GLRB: variants seen among roughly 807,000 people sequenced by gnomAD.
The protein encoded by GLRB is glycine receptor subunit beta.
In GLRB, 33 loss-of-function variants were observed where a neutral mutation model predicts 54.2. That is an observed-to-expected ratio of 0.61 (90% CI 0.46 to 0.81). GLRB has a LOEUF of 0.81. Among genes scored for constraint, GLRB ranks in the 40% least tolerant of loss-of-function variants. GLRB has a pLI of 0.00. For missense variants in GLRB, 572 were observed against 584.6 expected (o/e 0.98, Z 0.22); for synonymous variants, 209 against 208.2 (o/e 1.00, Z -0.03).
intron 2 of GLRB, among the ~76,000 whole-genome samples, chr4:157,103,170 A>AG (rs1735100950): frequency 6.6e-6 from 1 of 151,982 alleles, no homozygotes; most frequent in South Asian, 2.1e-4. Context: ...AAAAAAAAAA[A>AG]AAAGAAAGTG....
intron 4 of GLRB, among the ~76,000 whole-genome samples, chr4:157,126,380 TG>T (rs1036555203): frequency 2.0e-5 from 3 of 151,878 alleles, no homozygotes; most frequent in African/African-American, 7.2e-5. Context: ...TGCTTCAGCC[TG>T]TTTTATGGCC....
rs542224600 is a variant in GLRB, at chr4:157,084,417, A to G, written c.122+6271A>G. On this transcript the variant is annotated intron_variant, in intron 2 of 9. Coordinates refer to ENST00000264428, the MANE Select transcript of GLRB (RefSeq NM_000824.5). ...TGGGAAGCTTAATAACAAGTCCTTA[A>G]GTGTTGAGGGCTGCTATTATTTACA... 2.5e-4 allele frequency among the ~76,000 whole-genome samples: 38 copies of G among 152,270 alleles called. No individual in the cohort carries two copies. In the South Asian group the frequency reaches 7.7e-3, roughly 31 times the overall value.
chr4:157,101,665 C>G (rs1484219463), intron 2 of GLRB, among the ~76,000 whole-genome samples: 1 of 151,978 alleles, frequency 6.6e-6, no homozygotes, highest in Non-Finnish European at 1.5e-5. Flanking sequence ...TCAACTGCAT[C>G]TTCTGTAGTA....
intron 9 of GLRB, among the ~76,000 whole-genome samples, chr4:157,165,124 T>A (rs1199573162): frequency 1.3e-5 from 2 of 152,056 alleles, no homozygotes; most frequent in African/African-American, 4.8e-5. Flanking sequence ...CTTTCCAGAA[T>A]AAACTTTGTA....
At chr4:157,082,967 TATATA>T (rs1734277794) in intron 2 of GLRB, among the ~76,000 whole-genome samples, 4 of 87,030 alleles carry the variant, frequency 4.6e-5, no homozygotes, top group African/African-American at 1.8e-4. Flanking sequence ...TAGTGTTTTA[TATATA>T]TATATATATA....
intron 7 of GLRB, among the ~76,000 whole-genome samples, chr4:157,139,804 C>T (rs1736544028): frequency 6.6e-6 from 1 of 151,772 alleles, no homozygotes; most frequent in Non-Finnish European, 1.5e-5. Context: ...ATAATTAAAG[C>T]TTTATTGCAA....
intron 2 of GLRB, among the ~76,000 whole-genome samples, chr4:157,097,780 G>A (rs142537494): frequency 1.8e-4 from 27 of 152,278 alleles, no homozygotes; most frequent in African/African-American, 5.3e-4. Flanking sequence ...CAGCACTTTG[G>A]GAGGCTGAGG....
intron 9 of GLRB, among the ~76,000 whole-genome samples, chr4:157,163,981 G>T (rs1170140424): frequency 2.6e-5 from 4 of 151,990 alleles, no homozygotes; most frequent in Admixed American, 1.3e-4. Context: ...CATCATACCT[G>T]CACCCTGCCT....
chr4:157,085,203 T>C (rs1012814639), intron 2 of GLRB, among the ~76,000 whole-genome samples: 1 of 152,148 alleles, frequency 6.6e-6, no homozygotes, highest in African/African-American at 2.4e-5. Context: ...ATATCTGCCA[T>C]GTTCAATTTT....
intron 2 of GLRB, among the ~76,000 whole-genome samples, chr4:157,092,756 C>A (rs140753767): frequency 6.6e-6 from 1 of 152,094 alleles, no homozygotes; most frequent in Non-Finnish European, 1.5e-5. Flanking sequence ...ATATAAAGAA[C>A]GTAGGATGTG....
Position 157,122,130 on chromosome 4 carries a change from TG to T in GLRB, c.230-199del, listed in dbSNP as rs201629211. Among the ~76,000 whole-genome samples, 9,523 of 151,100 alleles carry T rather than the reference TG, an allele frequency of 0.063. 776 individuals carry two copies. The highest frequency in any genetic ancestry group is 0.2 in the African/African-American group (8,069 of 41,246). On this transcript the variant is annotated intron_variant, in intron 3 of 9. Coordinates refer to ENST00000264428, the MANE Select transcript of GLRB (RefSeq NM_000824.5). Reference sequence around the variant, plus strand: ...CATTATAAAATATAATCGAACTCATTGCTTTATTTGTATTATGATTCCTATT... The same window carrying T: ...CATTATAAAATATAATCGAACTCATTCTTTATTTGTATTATGATTCCTATT...
intron 9 of GLRB, among the ~76,000 whole-genome samples, chr4:157,159,660 G>A (rs1294015819): frequency 6.6e-6 from 1 of 152,170 alleles, no homozygotes; most frequent in Non-Finnish European, 1.5e-5. Context: ...TGTTGAACCA[G>A]CCTTGCATCC....
chr4:157,145,832 G>A (rs775986204), intron 8 of GLRB, among the ~76,000 whole-genome samples: 1 of 152,062 alleles, frequency 6.6e-6, no homozygotes, highest in Non-Finnish European at 1.5e-5. Context: ...CTAGGACAGA[G>A]TGGGCCAGAC....
At chr4:157,084,679 T>C (rs1285299339) in intron 2 of GLRB, 5 of 456,220 alleles carry the variant, frequency 1.1e-5, no homozygotes, top group Admixed American at 2.3e-5. Flanking sequence ...GATTGTACCA[T>C]TGAATGACAG....
intron 9 of GLRB, among the ~76,000 whole-genome samples, chr4:157,160,629 T>C: frequency 6.6e-6 from 1 of 152,054 alleles, no homozygotes; most frequent in Non-Finnish European, 1.5e-5. Context: ...AGTTTCCATG[T>C]AGTTGAGCGG....
chr4:157,110,262 T>A (rs1044553920), intron 2 of GLRB, among the ~76,000 whole-genome samples: 2 of 151,994 alleles, frequency 1.3e-5, no homozygotes, highest in African/African-American at 4.8e-5. Context: ...GAAGCAAGAA[T>A]GAAGATCAAA....
At chr4:157,121,289 A>G (rs903668033) in intron 3 of GLRB, among the ~76,000 whole-genome samples, 1 of 151,708 alleles carries the variant, frequency 6.6e-6, no homozygotes, top group African/African-American at 2.4e-5. Context: ...AACTATGCTT[A>G]CAATAAAATA....
At position 157,136,673 on chromosome 4, in the gene GLRB, G is replaced by T; in HGVS notation, c.502G>T (p.Asp168Tyr). 1 of 1,608,964 alleles carries T rather than the reference G, an allele frequency of 6.2e-7. No homozygotes were observed. The highest frequency in any genetic ancestry group is 8.5e-7 in the Non-Finnish European group (1 of 1,175,402). ...QENILLFIFR[D>Y]GDVLVSMRLS... ...AAACATCCTCCTCTTTATTTTTCGT[G>T]ATGGAGATGTCCTTGTCAGCATGAG... Residue 168 changes from aspartate (D) to tyrosine (Y), a missense_variant, in exon 5 of 10, where the codon GAT becomes TAT. By Grantham distance (160) the Asp-to-Tyr change is radical. Coordinates refer to ENST00000264428, the MANE Select transcript of GLRB (RefSeq NM_000824.5).
chr4:157,080,339 T>A (rs890056535), intron 2 of GLRB, among the ~76,000 whole-genome samples: 15 of 152,182 alleles, frequency 9.9e-5, no homozygotes, highest in Admixed American at 7.2e-4. Flanking sequence ...ATAGGTTTTT[T>A]AAAAATAATT....
Sources: gnomAD v4.1 joint callset for allele counts (sites outside exome capture counted in the v4.1 genomes callset) on GRCh38, gnomAD v4.1.1 for gene constraint, MANE v1.5 for transcripts, NCBI Gene and HGNC (gene_info 2026-07-23, HGNC 2026-07-21) for gene names.